NOX3: variants seen among roughly 807,000 people sequenced by gnomAD.
NOX3 encodes NADPH oxidase catalytic subunit-like 3.
In NOX3, 74 loss-of-function variants were observed where a neutral mutation model predicts 76.7. The observed-to-expected ratio is 0.96, with a 90% CI of 0.80 to 1.17. NOX3 has a LOEUF of 1.17. Ranked by LOEUF, NOX3 falls within the 50% of genes most tolerant of loss-of-function variation. The pLI is 0.00. For synonymous variants in NOX3, 263 were observed against 261.1 expected (o/e 1.01, Z -0.07); for missense variants, 695 against 703.3 (o/e 0.99, Z 0.13).
chr6:155,442,039 C>A, intron 5 of NOX3, among the ~76,000 whole-genome samples: 1 of 152,178 alleles, frequency 6.6e-6, no homozygotes, highest in East Asian at 1.9e-4. Flanking sequence ...CCGAGGTGGG[C>A]GGATCACGAG....
At chr6:155,439,226 ATAAT>A (rs1776949348) in intron 6 of NOX3, among the ~76,000 whole-genome samples, 1 of 152,234 alleles carries the variant, frequency 6.6e-6, no homozygotes, top group Admixed American at 6.5e-5. Context: ...AGTTTTTGAA[ATAAT>A]TAAAGGGACA....
chr6:155,401,427 T>G (rs564174545), intron 12 of NOX3, among the ~76,000 whole-genome samples: 4 of 152,200 alleles, frequency 2.6e-5, no homozygotes, highest in Non-Finnish European at 4.4e-5. Context: ...ATAATGAATG[T>G]TTAGGATATC....
chr6:155,418,589 G>A (rs571988077), intron 10 of NOX3, among the ~76,000 whole-genome samples: 5 of 44,416 alleles, frequency 1.1e-4, no homozygotes, highest in South Asian at 1.9e-3. Context: ...TCCACTCCCC[G>A]CCCCCTCCCA....
intron 10 of NOX3, among the ~76,000 whole-genome samples, chr6:155,416,251 G>A (rs1776620078): frequency 6.6e-6 from 1 of 152,218 alleles, no homozygotes; most frequent in African/African-American, 2.4e-5. Flanking sequence ...CTTGAAACCA[G>A]CAGGATGACA....
chr6:155,433,238 C>T (rs947403030), intron 7 of NOX3, among the ~76,000 whole-genome samples: 1 of 152,126 alleles, frequency 6.6e-6, no homozygotes, highest in African/African-American at 2.4e-5. Context: ...TCCTTTGCTC[C>T]GGGAGGAAGT....
chr6:155,440,505 G>C (rs1776970221), intron 5 of NOX3, among the ~76,000 whole-genome samples: 1 of 151,832 alleles, frequency 6.6e-6, no homozygotes, highest in Non-Finnish European at 1.5e-5. Context: ...GCTGGGCATG[G>C]TGGTTTGAGC....
intron 13 of NOX3, 42 bp downstream of exon 13, chr6:155,396,767 A>G: frequency 1.3e-6 from 2 of 1,510,580 alleles, no homozygotes; most frequent in Non-Finnish European, 1.8e-6. Context: ...CCTTATGGGA[A>G]GAGTTTCCCA....
At chr6:155,429,851 A>C (rs1457006186) in intron 8 of NOX3, among the ~76,000 whole-genome samples, 2 of 152,164 alleles carry the variant, frequency 1.3e-5, no homozygotes, top group African/African-American at 4.8e-5. Context: ...CAGCATTTTC[A>C]TCATTGGTTC....
At chr6:155,407,436 T>C (rs566273771) in intron 11 of NOX3, among the ~76,000 whole-genome samples, 182 bp from the exon 12 acceptor site, 1 of 152,246 alleles carries the variant, frequency 6.6e-6, no homozygotes, top group Admixed American at 6.5e-5. Context: ...TCATATCTCA[T>C]TTATGTCTGA....
chr6:155,409,051 C>T (rs1270283171), intron 11 of NOX3, among the ~76,000 whole-genome samples: 3 of 151,958 alleles, frequency 2.0e-5, no homozygotes, highest in Non-Finnish European at 4.4e-5. Context: ...ATGCGCTATA[C>T]CCATGTAACA....
At chr6:155,446,058 T>G (rs750379446) in intron 4 of NOX3, among the ~76,000 whole-genome samples, 1 of 149,932 alleles carries the variant, frequency 6.7e-6, no homozygotes, top group African/African-American at 2.5e-5. Context: ...CAAATATACT[T>G]CAGGTTGAGG....
At chr6:155,402,159 C>T (rs916086952) in intron 12 of NOX3, among the ~76,000 whole-genome samples, 15 of 152,090 alleles carry the variant, frequency 9.9e-5, no homozygotes, top group Admixed American at 2.6e-4. Flanking sequence ...ACAAAAAATG[C>T]AATACAGTTT....
chr6:155,411,299 A>G lies in NOX3; in HGVS notation c.1370T>C (p.Leu457Pro). The G allele has an allele frequency of 1.9e-6, 3 of 1,614,066 alleles. No homozygotes were observed. Among genetic ancestry groups the G allele is most frequent in the Non-Finnish European group, 2.5e-6 (3 of 1,179,956 alleles). ...CTCACTCATCCGTGTTTCCAGGGAG[A>G]GTAAGAGATCAGCAAACCACTCAAA... ...RAFEWFADLL[L>P]SLETRMSEQG... The change falls in exon 11 of 14, where the codon CTC becomes CCC. Residue 457 changes from leucine to proline, a missense_variant. Coordinates refer to ENST00000159060, the MANE Select transcript of NOX3 (RefSeq NM_015718.3).
At position 155,430,871 on chromosome 6, in the gene NOX3, C is replaced by T. The variant is rs932607028; in HGVS notation, c.863G>A (p.Arg288Gln). Reference protein sequence around the residue: ...YACERIIRFWRFQQEVVITKV... With the variant: ...YACERIIRFWQFQQEVVITKV... Reference sequence around the variant, plus strand: ...GGTAATGACAACTTCTTGTTGAAATCGCCAGAACCTAATTATTCTTTCACA... The same window carrying T: ...GGTAATGACAACTTCTTGTTGAAATTGCCAGAACCTAATTATTCTTTCACA... The change falls in exon 8 of 14, where the codon CGA becomes CAA. Residue 288 changes from arginine to glutamine, a missense_variant. Arg to Gln is a conservative substitution (Grantham distance 43). Coordinates refer to ENST00000159060, the MANE Select transcript of NOX3 (RefSeq NM_015718.3). 1.4e-5 allele frequency: 22 copies of T among 1,612,950 alleles called. No homozygotes were observed. The Middle Eastern group carries it at 1.2e-3, about 84-fold the overall frequency.
At chr6:155,416,741 A>ATTTTTTT (rs1225392241) in intron 10 of NOX3, among the ~76,000 whole-genome samples, 44 of 100,076 alleles carry the variant, frequency 4.4e-4, no homozygotes, top group South Asian at 1.3e-3. Context: ...CATCTGAAAC[A>ATTTTTTT]TTCTTTTTTT....
At chr6:155,398,678 T>C (rs767053361) in intron 12 of NOX3, among the ~76,000 whole-genome samples, 2 of 152,262 alleles carry the variant, frequency 1.3e-5, no homozygotes, top group African/African-American at 4.8e-5. Flanking sequence ...TATGAGTTTA[T>C]GGCTTAATGA....
chr6:155,445,996 TA>T (rs4031392), intron 4 of NOX3, among the ~76,000 whole-genome samples: 2 of 134,388 alleles, frequency 1.5e-5, no homozygotes, highest in East Asian at 2.0e-4. Flanking sequence ...TATATATATA[TA>T]ATATATATAT....
chr6:155,401,698 A>G (rs1367134593), intron 12 of NOX3, among the ~76,000 whole-genome samples: 4 of 151,540 alleles, frequency 2.6e-5, no homozygotes, highest in Non-Finnish European at 5.9e-5. Flanking sequence ...ACCTTTCTTC[A>G]TCGTTAGGTT....
intron 8 of NOX3, among the ~76,000 whole-genome samples, chr6:155,429,724 G>C (rs1776807561): frequency 6.6e-6 from 1 of 152,010 alleles, no homozygotes; most frequent in Non-Finnish European, 1.5e-5. Flanking sequence ...TTTCAATCTT[G>C]TTTCCTGAAA....
Sources: allele counts gnomAD v4.1 joint callset (sites outside exome capture counted in the v4.1 genomes callset), GRCh38; gene constraint gnomAD v4.1.1; transcripts MANE v1.5; gene names NCBI Gene and HGNC (gene_info 2026-07-23, HGNC 2026-07-21).